The following IFFO1 variants were observed in gnomAD, a reference collection of about 807,000 sequenced individuals.
The protein encoded by IFFO1 is non-homologous end joining factor IFFO1.
Under a neutral mutation model 59.6 loss-of-function variants are expected in IFFO1, and 42 were observed. That is an observed-to-expected ratio of 0.70 (90% CI 0.55 to 0.91). The LOEUF is 0.91. Among genes scored for constraint, IFFO1 ranks in the 40% least tolerant of loss-of-function variants. The pLI, the probability that IFFO1 is intolerant of heterozygous loss-of-function variation, is 0.00. For missense variants in IFFO1, 711 were observed against 793.2 expected (o/e 0.90, Z 1.24); for synonymous variants, 336 against 342.8 (o/e 0.98, Z 0.22).
At chr12:6,552,310 TG>T (rs1322489473) in intron 1 of IFFO1, among the ~76,000 whole-genome samples, 2 of 152,134 alleles carry the variant, frequency 1.3e-5, no homozygotes, top group Non-Finnish European at 2.9e-5. Flanking sequence ...CCCTCCCTGC[TG>T]GGCAGAGCAG....
intron 1 of IFFO1, among the ~76,000 whole-genome samples, chr12:6,552,841 T>C (rs879581527): frequency 2.6e-5 from 4 of 152,202 alleles, no homozygotes; most frequent in Admixed American, 6.5e-5. Flanking sequence ...GACAGGTTCA[T>C]TTTCACCTCC....
At chr12:6,545,709 A>AAC (rs1946928083) in intron 8 of IFFO1, among the ~76,000 whole-genome samples, 1 of 151,728 alleles carries the variant, frequency 6.6e-6, no homozygotes, top group African/African-American at 2.4e-5. Context: ...GAAAAAAAAA[A>AAC]AAAAACCTCA....
At chr12:6,542,188 T>C (rs559120896) in intron 8 of IFFO1, among the ~76,000 whole-genome samples, 36 of 152,356 alleles carry the variant, frequency 2.4e-4, no homozygotes, top group African/African-American at 7.0e-4. Flanking sequence ...TCTCTCCTTA[T>C]CACTTTATTT....
chr12:6,550,274 C>G (rs1947175513), intron 3 of IFFO1: 1 of 328,362 alleles, frequency 3.0e-6, no homozygotes, highest in Non-Finnish European at 5.7e-6. Flanking sequence ...ATAATCGCAA[C>G]AGCTAACACT....
downstream of IFFO1, chr12:6,539,346 C>G (rs140875367): frequency 1.3e-5 from 2 of 152,054 alleles, no homozygotes; most frequent in African/African-American, 4.8e-5. Context: ...CAGCTACAGG[C>G]ATGCTGAAGC....
rs1947418906 is a variant in IFFO1, at chr12:6,555,761, T to C, written c.269A>G (p.Lys90Arg). The C allele has an allele frequency of 6.2e-7, 1 of 1,613,118 alleles. No individual in the cohort carries two copies. Among genetic ancestry groups the C allele is most frequent in the African/African-American group, 1.3e-5 (1 of 74,838 alleles). Residue 90 changes from lysine to arginine, a missense_variant, in exon 1 of 10, where the codon AAG becomes AGG. This residue lies in a region of IFFO1 where 18 missense variants were observed against 40.5 expected (regional missense o/e 0.44). Transcript: ENST00000619571. This position sits in a 1 kb window ranked among gnomAD's most constrained non-coding sequence, Gnocchi z 8.6. ...GTTCCGGCGCTCCAGCTCATGCACC[T>C]TGGCCAGGAAGCAGCGGAACCGGAG... ...LNLRFRCFLAKVHELERRNRL... is the reference protein window; with the variant it reads ...LNLRFRCFLARVHELERRNRL...
intron 9 of IFFO1, among the ~76,000 whole-genome samples, chr12:6,540,848 T>A (rs1946677320): frequency 6.6e-6 from 1 of 152,104 alleles, no homozygotes; most frequent in Non-Finnish European, 1.5e-5. Flanking sequence ...TCCAGCACTT[T>A]GGGAGGCAGA....
Position 6,555,071 on chromosome 12 carries a change from G to C in IFFO1, c.773+186C>G, listed in dbSNP as rs1947374099. Among the ~76,000 whole-genome samples the C allele has an allele frequency of 6.6e-6, 1 of 152,232 alleles. No homozygotes were observed. Among genetic ancestry groups the C allele is most frequent in the African/African-American group, 2.4e-5 (1 of 41,460 alleles). On this transcript the variant is annotated intron_variant, in intron 1 of 9. Coordinates refer to ENST00000619571, the MANE Select transcript of IFFO1 (RefSeq NM_001193457.2). This position sits in a 1 kb window ranked among gnomAD's most constrained non-coding sequence, Gnocchi z 8.6. Reference sequence around the variant, plus strand: ...CCCAGCGTCCTTCTTCCTGTCACGAGCAGGGCTTCTGCATTCTCTGCGGAT... The same window carrying C: ...CCCAGCGTCCTTCTTCCTGTCACGACCAGGGCTTCTGCATTCTCTGCGGAT...
chr12:6,554,230 G>A (rs1947346163), intron 1 of IFFO1, among the ~76,000 whole-genome samples: 1 of 152,132 alleles, frequency 6.6e-6, no homozygotes, highest in African/African-American at 2.4e-5. Context: ...GCCACACTGG[G>A]CTGCATAGGT....
downstream of IFFO1, chr12:6,539,021 T>A (rs369693305): frequency 2.0e-5 from 3 of 147,824 alleles, no homozygotes; most frequent in African/African-American, 8.0e-5. Flanking sequence ...TCCATCATCG[T>A]CCTTAGGGGA....
chr12:6,555,469 C>A lies in IFFO1; in HGVS notation c.561G>T (p.Ser187=), dbSNP rs550277987. 1 of 1,612,808 alleles carries A rather than the reference C, an allele frequency of 6.2e-7. No homozygotes were observed. The highest frequency in any genetic ancestry group is 1.7e-5 in the Admixed American group (1 of 59,810). The change falls in exon 1 of 10, where the codon TCG becomes TCT. Residue 187 remains serine, a synonymous_variant. Transcript: ENST00000619571. The surrounding 1 kb of genome is among the most constrained non-coding windows in gnomAD (Gnocchi z 8.6). The part of the protein sequence containing the change: ...SSTSTSTTYS[S]SARFMPGTIW... ...TGGTGCCGGGCATGAAGCGGGCCGA[C>A]GAGGAATAGGTGGTGGAGGTGGAGG...
rs1946915343 is a variant in IFFO1, at chr12:6,545,565, G to A, written c.1479+2500C>T. ...CAAAAGAAATTAGCCGGGCGTGATG[G>A]CGGGCGCCTGTAGTCCCAGCTACTC... On this transcript the variant is annotated intron_variant, in intron 8 of 9. Transcript: ENST00000619571. Among the ~76,000 whole-genome samples the A allele has an allele frequency of 2.6e-5, 4 of 152,018 alleles. No individual in the cohort carries two copies. The South Asian group carries it at 8.3e-4, about 32-fold the overall frequency.
intron 1 of IFFO1, among the ~76,000 whole-genome samples, chr12:6,553,482 T>C (rs1182486355): frequency 1.3e-5 from 2 of 151,818 alleles, no homozygotes; most frequent in Non-Finnish European, 2.9e-5. Context: ...TCAGGACAAC[T>C]GAAACTCCCA....
At position 6,548,123 on chromosome 12, in the gene IFFO1, G is replaced by A. The variant is rs779384798; in HGVS notation, c.1421C>T (p.Thr474Met). The part of the protein sequence containing the change: ...EDSLEKVIKD[T>M]ESLFKTREKE... Reference sequence around the variant, plus strand: ...CTCCCGGGTTTTGAACAGGGACTCCGTATCTTTAATCACCTTCTCCAGGCT... The same window carrying A: ...CTCCCGGGTTTTGAACAGGGACTCCATATCTTTAATCACCTTCTCCAGGCT... The change falls in exon 8 of 10, where the codon ACG becomes ATG. Residue 474 changes from threonine to methionine, a missense_variant. Thr to Met is a moderately conservative substitution (Grantham distance 81). Around this residue, in one of 3 missense-constraint regions of IFFO1, gnomAD observed 579 missense variants for 650.3 expected, o/e 0.89. Transcript: ENST00000619571. The surrounding 1 kb of genome is among the most constrained non-coding windows in gnomAD (Gnocchi z 6.1). 7.4e-6 allele frequency: 12 copies of A among 1,613,904 alleles called. No homozygotes were observed. The highest frequency in any genetic ancestry group is 1.1e-5 in the South Asian group (1 of 91,084).
rs1043447583 is a variant in IFFO1, at chr12:6,541,144, T to C, written c.1610+368A>G. ...GCAGTATTTTTGTGATTTTTAAAAA[T>C]TCACTTTCTTGTTGCGGTGTAACTT... On this transcript the variant is annotated intron_variant, in intron 9 of 9. Coordinates refer to ENST00000619571, the MANE Select transcript of IFFO1 (RefSeq NM_001193457.2). This position sits in a 1 kb window ranked among gnomAD's most constrained non-coding sequence, Gnocchi z 4.8. 6.6e-6 allele frequency among the ~76,000 whole-genome samples: 1 copy of C among 152,136 alleles called. No individual in the cohort carries two copies. Among genetic ancestry groups the C allele is most frequent in the Non-Finnish European group, 1.5e-5 (1 of 68,020 alleles).
At position 6,548,810 on chromosome 12, in the gene IFFO1, C is replaced by T. The variant is rs748888829; in HGVS notation, c.1120G>A (p.Gly374Arg). ...GCAGCCTTGCGCTCCCGCTTCCGCC[C>T]CCCCATGGATGGGACCTTAATGGGA... ...LSPIKVPSMG[G>R]RKRERKAAVE... Residue 374 changes from glycine (G) to arginine (R), a missense_variant, in exon 6 of 10, where the codon GGG (glycine) becomes AGG (arginine). Physicochemically the swap from Gly to Arg is moderately radical, Grantham distance 125. Transcript: ENST00000619571. The surrounding 1 kb of genome is among the most constrained non-coding windows in gnomAD (Gnocchi z 6.1). 69 of 1,613,052 alleles carry T rather than the reference C, an allele frequency of 4.3e-5. No individual in the cohort carries two copies. The highest frequency in any genetic ancestry group is 5.7e-5 in the Non-Finnish European group (67 of 1,179,726).
intron 8 of IFFO1, among the ~76,000 whole-genome samples, chr12:6,544,454 C>A (rs1946862720): frequency 6.6e-6 from 1 of 152,178 alleles, no homozygotes; most frequent in African/African-American, 2.4e-5. Flanking sequence ...CAGGCGAGAG[C>A]CACCACGCCC....
chr12:6,549,407 G>T lies in IFFO1; in HGVS notation c.1080+69C>A. On this transcript the variant is annotated intron_variant, in intron 5 of 9. Coordinates refer to ENST00000619571, the MANE Select transcript of IFFO1 (RefSeq NM_001193457.2). This position sits in a 1 kb window ranked among gnomAD's most constrained non-coding sequence, Gnocchi z 5.0. ...AGAGCCCAGCGGGCCCAAACTGAGGGCCAGGAGGCCTAGGCAGCTTAGAAA... is the reference window on the plus strand; with the variant it reads ...AGAGCCCAGCGGGCCCAAACTGAGGTCCAGGAGGCCTAGGCAGCTTAGAAA... 6.3e-7 allele frequency: 1 copy of T among 1,591,322 alleles called. No individual in the cohort carries two copies. Among genetic ancestry groups the T allele is most frequent in the Non-Finnish European group, 8.6e-7 (1 of 1,160,808 alleles).
rs1947378167 is a variant in IFFO1, at chr12:6,555,181, C to G, written c.773+76G>C. The G allele has an allele frequency of 6.9e-7, 1 of 1,445,492 alleles. No homozygotes were observed. Among genetic ancestry groups the G allele is most frequent in the Non-Finnish European group, 9.7e-7 (1 of 1,028,338 alleles). 89.5% of individuals were successfully genotyped at this position (1,445,492 alleles called of 1,614,324 possible). Reference sequence around the variant, plus strand: ...CTCATTCTTTTCACCCCTGATTCTTCGGAACCCACACCAACTCGCGGCCCG... The same window carrying G: ...CTCATTCTTTTCACCCCTGATTCTTGGGAACCCACACCAACTCGCGGCCCG... On this transcript the variant is annotated intron_variant, in intron 1 of 9. Coordinates refer to ENST00000619571, the MANE Select transcript of IFFO1 (RefSeq NM_001193457.2). The surrounding 1 kb of genome is among the most constrained non-coding windows in gnomAD (Gnocchi z 8.6).
Sources: allele counts gnomAD v4.1 joint callset (sites outside exome capture counted in the v4.1 genomes callset), GRCh38; gene constraint gnomAD v4.1.1; regional missense constraint gnomAD v4.1.1; non-coding constraint Gnocchi (gnomAD v3.1); transcripts MANE v1.5; gene names NCBI Gene and HGNC (gene_info 2026-07-23, HGNC 2026-07-21).